The following HEATR1 variants were observed in gnomAD, a reference collection of about 807,000 sequenced individuals.
HEATR1 encodes the protein HEAT repeat containing 1.
In HEATR1, 77 loss-of-function variants were observed where a neutral mutation model predicts 248.2. That is an observed-to-expected ratio of 0.31 (90% CI 0.26 to 0.37). HEATR1 has a LOEUF of 0.37. HEATR1 is among the 10% of genes least tolerant of loss of function. The pLI, the probability that HEATR1 is intolerant of heterozygous loss-of-function variation, is 1.00. For missense variants in HEATR1, 2,420 were observed against 2,504.9 expected, an observed-to-expected ratio of 0.97 and a Z score of 0.72; for synonymous variants, 897 against 923.1, an observed-to-expected ratio of 0.97 and a Z score of 0.51.
intron 23 of HEATR1, 76 bp from the exon 24 acceptor site, chr1:236,574,409 C>T: frequency 1.4e-6 from 2 of 1,468,586 alleles, no homozygotes; most frequent in South Asian, 1.2e-5. Context: ...ATATCAACCT[C>T]TCTCAAAATA....
intron 20 of HEATR1, among the ~76,000 whole-genome samples, chr1:236,577,591 C>A (rs556011373): frequency 1.3e-5 from 2 of 151,408 alleles, no homozygotes; most frequent in Admixed American, 6.6e-5. Context: ...TGGATTCAAG[C>A]GATTCTCCTG....
At chr1:236,569,231 A>C in intron 28 of HEATR1, 107 bp from the exon 29 acceptor site, 1 of 816,596 alleles carries the variant, frequency 1.2e-6, no homozygotes, top group South Asian at 2.0e-5. Flanking sequence ...GATGCAGTGC[A>C]GTTGTGTGAT....
At chr1:236,584,525 C>T (rs1663834737) in intron 17 of HEATR1, among the ~76,000 whole-genome samples, 1 of 152,052 alleles carries the variant, frequency 6.6e-6, no homozygotes, top group Non-Finnish European at 1.5e-5. Context: ...AAAAAAAAGT[C>T]TTGCTACCTC....
chr1:236,600,411 G>A (rs1664290448), intron 3 of HEATR1, among the ~76,000 whole-genome samples: 1 of 151,918 alleles, frequency 6.6e-6, no homozygotes, highest in African/African-American at 2.4e-5. Context: ...GACTACAGGT[G>A]TGAGCCACCA....
In HEATR1 at chr1:236,603,192, T is replaced by G; in HGVS notation, c.327A>C (p.Pro109=). The G allele has an allele frequency of 6.2e-7, 1 of 1,614,140 alleles. No homozygotes were observed. The highest frequency in any genetic ancestry group is 1.1e-5 in the South Asian group (1 of 91,084). Residue 109 remains proline, a synonymous_variant, in exon 3 of 45, where the codon CCA becomes CCC. Transcript: ENST00000366582. ...IHLSPYFLLK[P]AQKCLEWLIH... is the part of the protein sequence containing the mutation. ...TCAACCACTCCAGACACTTCTGTGC[T>G]GGCTTAAGCAGGAAGTAAGGCGACA...
intron 3 of HEATR1, among the ~76,000 whole-genome samples, chr1:236,601,099 A>G (rs897804088): frequency 6.6e-6 from 1 of 152,218 alleles, no homozygotes; most frequent in Non-Finnish European, 1.5e-5. Flanking sequence ...GTTAGGTGCT[A>G]GAAAACAGAT....
At chr1:236,581,067 T>G (rs1208303515) in intron 20 of HEATR1, among the ~76,000 whole-genome samples, 155 bp downstream of exon 20, 1 of 151,532 alleles carries the variant, frequency 6.6e-6, no homozygotes, top group Non-Finnish European at 1.5e-5. Flanking sequence ...ATCTGCCTGC[T>G]TCGGCCTCCC....
Position 236,583,059 on chromosome 1 carries a change from C to A in HEATR1, c.2379G>T (p.Leu793Phe), listed in dbSNP as rs780682035. 8 of 1,613,812 alleles carry A rather than the reference C, an allele frequency of 5.0e-6. No homozygotes were observed. The Admixed American group carries it at 1.3e-4, about 27-fold the overall frequency. ...CTTTCAGTGCATAAATAAATTTTTT[C>A]AAGGAAAATACAAGAAAAACCGAGT... ...VEDSVFLVFSLKKFIYALKAP... is the reference protein window; with the variant it reads ...VEDSVFLVFSFKKFIYALKAP... The change falls in exon 18 of 45, where the codon TTG (leucine) becomes TTT (phenylalanine). Residue 793 changes from leucine to phenylalanine, a missense_variant. Leu to Phe is a conservative substitution (Grantham distance 22). Coordinates refer to ENST00000366582, the MANE Select transcript of HEATR1 (RefSeq NM_018072.6).
At position 236,553,603 on chromosome 1, in the gene HEATR1, T is replaced by C. The variant is rs1279244963; in HGVS notation, c.6215A>G (p.Lys2072Arg). 2 of 1,613,788 alleles carry C rather than the reference T, an allele frequency of 1.2e-6. No individual in the cohort carries two copies. Among genetic ancestry groups the C allele is most frequent in the Admixed American group, 1.7e-5 (1 of 59,950 alleles). ...WKPLNYQILL[K>R]TRDSSPKVRF... is the part of the protein sequence containing the mutation. The stretch of plus-strand genomic sequence containing the variant: ...AACCTTAGGCGAGGAGTCTCTCGTC[T>C]TTAGCAGAATCTGGTAGTTCAGTGG... The change falls in exon 43 of 45, where the codon AAG becomes AGG. Residue 2072 changes from lysine (K) to arginine (R), a missense_variant. Lys to Arg is a conservative substitution (Grantham distance 26). Transcript: ENST00000366582.
chr1:236,558,289 T>C lies in HEATR1; in HGVS notation c.5152A>G (p.Ile1718Val), dbSNP rs1160899832. ...TCCAGGGTGGAGGTCACCTCTGCTA[T>C]GCACAGCAGCGCGCTTCCCAGGACA... Reference protein sequence around the residue: ...KNVLGSALLCIAEVTSTLEAL... With the variant: ...KNVLGSALLCVAEVTSTLEAL... Residue 1718 changes from isoleucine (I) to valine (V), a missense_variant, in exon 36 of 45, where the codon ATA (isoleucine) becomes GTA (valine). Coordinates refer to ENST00000366582, the MANE Select transcript of HEATR1 (RefSeq NM_018072.6). The C allele has an allele frequency of 1.2e-6, 2 of 1,614,220 alleles. No individual in the cohort carries two copies. The highest frequency in any genetic ancestry group is 1.7e-5 in the Admixed American group (1 of 60,028).
In HEATR1 at chr1:236,586,336, T is replaced by C; in HGVS notation, c.1832A>G (p.Asn611Ser). 1.2e-6 allele frequency: 2 copies of C among 1,613,084 alleles called. No individual in the cohort carries two copies. Among genetic ancestry groups the C allele is most frequent in the African/African-American group, 1.3e-5 (1 of 75,018 alleles). The change falls in exon 15 of 45, where the codon AAT becomes AGT. Residue 611 changes from asparagine to serine, a missense_variant. By Grantham distance (46) the Asn-to-Ser change is conservative. Coordinates refer to ENST00000366582, the MANE Select transcript of HEATR1 (RefSeq NM_018072.6). Reference protein sequence around the residue: ...VCLLPFMVINNDDTESAEMKI... With the variant: ...VCLLPFMVINSDDTESAEMKI... ...CATCTCAGCAGATTCCGTATCATCATTATTGATAACCATAAATGGCAGCAA... is the reference window on the plus strand; with the variant it reads ...CATCTCAGCAGATTCCGTATCATCACTATTGATAACCATAAATGGCAGCAA...
intron 22 of HEATR1, 79 bp downstream of exon 22, chr1:236,576,140 G>T: frequency 1.8e-6 from 2 of 1,107,282 alleles, no homozygotes; most frequent in Non-Finnish European, 2.5e-6. Context: ...TCTTACAATT[G>T]TCTTCTTCAC....
chr1:236,588,475 G>A (rs531215911), intron 12 of HEATR1, among the ~76,000 whole-genome samples: 1 of 152,272 alleles, frequency 6.6e-6, no homozygotes, highest in Admixed American at 6.5e-5. Context: ...AAACAGGTTT[G>A]CTAATAAATA....
chr1:236,568,883 A>G, intron 29 of HEATR1, 113 bp downstream of exon 29: 1 of 535,430 alleles, frequency 1.9e-6, no homozygotes, highest in African/African-American at 3.3e-5. Flanking sequence ...TGTTGAGGAT[A>G]TTAAAAAAAA....
At chr1:236,558,117 A>T in intron 36 of HEATR1, 120 bp downstream of exon 36, 2 of 1,137,266 alleles carry the variant, frequency 1.8e-6, no homozygotes, top group Non-Finnish European at 2.5e-6. Flanking sequence ...TCAATTCTTT[A>T]ACAAATTCCA....
In HEATR1 at chr1:236,595,662, T is replaced by A. The variant is rs763425291; in HGVS notation, c.968A>T (p.His323Leu). Residue 323 changes from histidine to leucine, a missense_variant, in exon 8 of 45, where the codon CAC becomes CTC. His to Leu is a moderately conservative substitution (Grantham distance 99). Transcript: ENST00000366582. The stretch of plus-strand genomic sequence containing the variant: ...AATAAGATCAGGAACATTACATAAG[T>A]GAGGGAATGGCCTTTGAAGAAGCAA... ...PESLGKKPFP[H>L]LCNVPDLITI... 23 of 1,611,390 alleles carry A rather than the reference T, an allele frequency of 1.4e-5. No individual in the cohort carries two copies. The highest frequency in any genetic ancestry group is 1.9e-5 in the Non-Finnish European group (22 of 1,178,524).
rs757454977 is a variant in HEATR1 at position 236,604,114 on chromosome 1, T to C, written c.-19A>G. ...ACGTCATCTTTCACGCCAGCGGAGTTTTAATGACACGGGCTAAAAAAACGT... is the reference window on the plus strand; with the variant it reads ...ACGTCATCTTTCACGCCAGCGGAGTCTTAATGACACGGGCTAAAAAAACGT... On this transcript the variant is annotated 5_prime_UTR_variant, in exon 2 of 45. Coordinates refer to ENST00000366582, the MANE Select transcript of HEATR1 (RefSeq NM_018072.6). 2.6e-6 allele frequency: 4 copies of C among 1,545,396 alleles called. No homozygotes were observed. The Admixed American group carries it at 9.5e-5, about 37-fold the overall frequency.
At chr1:236,578,915 G>A (rs1257880599) in intron 20 of HEATR1, among the ~76,000 whole-genome samples, 1 of 152,066 alleles carries the variant, frequency 6.6e-6, no homozygotes, top group Middle Eastern at 3.2e-3. Flanking sequence ...GATGTCTTTG[G>A]AACAAAGAGA....
chr1:236,552,289 T>G, intron 43 of HEATR1, 182 bp from the exon 44 acceptor site: 1 of 485,872 alleles, frequency 2.1e-6, no homozygotes, highest in South Asian at 3.4e-5. Flanking sequence ...GGGAGCTGTT[T>G]GTAATATGTG....
Sources: allele counts gnomAD v4.1 joint callset (sites outside exome capture counted in the v4.1 genomes callset), GRCh38; gene constraint gnomAD v4.1.1; transcripts MANE v1.5; gene names NCBI Gene and HGNC (gene_info 2026-07-23, HGNC 2026-07-21).